The following TET1 variants were observed in gnomAD, a reference collection of about 807,000 sequenced individuals.
TET1 encodes the protein tet methylcytosine dioxygenase 1, also known as methylcytosine dioxygenase TET1.
TET1 carries 13 observed loss-of-function variants against 148.7 expected under a neutral mutation model. That is an observed-to-expected ratio of 0.09 (90% confidence interval 0.06 to 0.14). TET1 has a LOEUF of 0.14. TET1 is among the 10% of genes least tolerant of loss of function. TET1 has a pLI of 1.00. For missense variants in TET1, 2,182 were observed against 2,553.8 expected, an observed-to-expected ratio of 0.85 and a Z score of 3.14; for synonymous variants, 907 against 937.2, an observed-to-expected ratio of 0.97 and a Z score of 0.59.
At chr10:68,624,171 A>G (rs1019321899) in intron 3 of TET1, among the ~76,000 whole-genome samples, 2 of 149,986 alleles carry the variant, frequency 1.3e-5, no homozygotes, top group African/African-American at 4.9e-5. Context: ...ATCTCGGCCC[A>G]CTGAAACTTC....
chr10:68,624,660 C>CTTTTTTTCTT (rs1462948714), intron 3 of TET1, among the ~76,000 whole-genome samples: 1 of 74,458 alleles, frequency 1.3e-5, no homozygotes. Flanking sequence ...TTCTTTCTTT[C>CTTTTTTTCTT]TCTCTCTCTC....
At chr10:68,632,023 C>T (rs1295284746) in intron 3 of TET1, among the ~76,000 whole-genome samples, 2 of 151,728 alleles carry the variant, frequency 1.3e-5, no homozygotes, top group African/African-American at 4.8e-5. Flanking sequence ...TTGGCTAAAC[C>T]CTAGTAGAAA....
chr10:68,568,051 T>C (rs1332056236), intron 1 of TET1, among the ~76,000 whole-genome samples: 2 of 151,442 alleles, frequency 1.3e-5, no homozygotes, highest in Non-Finnish European at 2.9e-5. Context: ...ACTAATTTTG[T>C]ATTTTTAGTA....
At chr10:68,588,828 A>G (rs1216990750) in intron 2 of TET1, among the ~76,000 whole-genome samples, 1 of 151,876 alleles carries the variant, frequency 6.6e-6, no homozygotes, top group East Asian at 1.9e-4. Flanking sequence ...GTCTCAAAAA[A>G]AAAAAAATGT....
intron 2 of TET1, among the ~76,000 whole-genome samples, chr10:68,589,855 A>G (rs1277380646): frequency 6.6e-6 from 1 of 151,622 alleles, no homozygotes; most frequent in Non-Finnish European, 1.5e-5. Flanking sequence ...TATTTTTAGC[A>G]GAAATGGGGC....
chr10:68,611,650 C>CT (rs1244028157), intron 3 of TET1, among the ~76,000 whole-genome samples: 1 of 133,140 alleles, frequency 7.5e-6, no homozygotes, highest in Non-Finnish European at 1.6e-5. Context: ...GAGACCCTTT[C>CT]TTTCTTTTCT....
At chr10:68,652,845 A>ATTTTTTTTTTTTTTT (rs71019047) in intron 6 of TET1, among the ~76,000 whole-genome samples, 1 of 101,214 alleles carries the variant, frequency 9.9e-6, no homozygotes, top group Admixed American at 1.2e-4. Flanking sequence ...AACCCGGCTA[A>ATTTTTTTTTTTTTTT]TTTTTTTTTT....
Position 68,662,298 on chromosome 10 carries a change from C to T in TET1, c.4462-4747C>T, listed in dbSNP as rs115711489. On this transcript the variant is annotated intron_variant, in intron 6 of 11. Coordinates refer to ENST00000373644, the MANE Select transcript of TET1 (RefSeq NM_030625.3). ...TACTGAGATTACAGGCATGAGCTAC[C>T]GTACCCAGCCTGTTGTTAATAGTCA... Among the ~76,000 whole-genome samples the T allele has an allele frequency of 5.5e-3, 836 of 152,100 alleles. 9 individuals are homozygous for T. The highest frequency in any genetic ancestry group is 0.019 in the African/African-American group (797 of 41,492).
At chr10:68,639,581 G>A (rs1204985174) in intron 3 of TET1, among the ~76,000 whole-genome samples, 6 of 151,856 alleles carry the variant, frequency 4.0e-5, no homozygotes, top group African/African-American at 1.5e-4. Flanking sequence ...TGATCCTCCC[G>A]CTTCAGCCTC....
chr10:68,686,849 A>C (rs2055518741), intron 11 of TET1, 142 bp downstream of exon 11: 1 of 772,058 alleles, frequency 1.3e-6, no homozygotes, highest in Non-Finnish European at 2.0e-6. Flanking sequence ...GTCAACAAAA[A>C]AGTGACCCAT....
chr10:68,652,007 T>C, intron 5 of TET1, 71 bp downstream of exon 5: 2 of 1,377,866 alleles, frequency 1.5e-6, no homozygotes, highest in African/African-American at 2.9e-5. Flanking sequence ...AAATCATCTC[T>C]AAGAACAAAC....
At chr10:68,672,509 A>AAAC (rs2055288384) in intron 7 of TET1, among the ~76,000 whole-genome samples, 1 of 148,768 alleles carries the variant, frequency 6.7e-6, no homozygotes, top group African/African-American at 2.5e-5. Context: ...AAAAAAAAAA[A>AAAC]AACACCAAAA....
chr10:68,567,732 A>G (rs977839830), intron 1 of TET1, among the ~76,000 whole-genome samples: 2 of 151,668 alleles, frequency 1.3e-5, no homozygotes, highest in African/African-American at 4.8e-5. Context: ...AGCCTGGGCA[A>G]TAAGAGTGAA....
chr10:68,688,347 C>T (rs532299955), intron 11 of TET1, among the ~76,000 whole-genome samples: 1 of 151,996 alleles, frequency 6.6e-6, no homozygotes, highest in South Asian at 2.1e-4. Flanking sequence ...ATCCACCCGC[C>T]TCGGCCTCAC....
At chr10:68,671,461 T>G (rs2055270989) in intron 7 of TET1, among the ~76,000 whole-genome samples, 1 of 152,222 alleles carries the variant, frequency 6.6e-6, no homozygotes, top group African/African-American at 2.4e-5. Flanking sequence ...GATGGGCAAT[T>G]AGGTTGATTA....
In TET1 at chr10:68,580,782, C is replaced by CA. The variant is rs71483915; in HGVS notation, c.1914+6554dup. On this transcript the variant is annotated intron_variant, in intron 2 of 11. Transcript: ENST00000373644. ...GGGCAACAAGAGCGAAACTCCATCT[C>CA]AAAAAAAAAAAAAAAAAAAAAAAAT... Among the ~76,000 whole-genome samples, 263 of 95,260 alleles carry CA rather than the reference C, an allele frequency of 2.8e-3. 4 individuals are homozygous for CA. Among genetic ancestry groups the CA allele is most frequent in the Admixed American group, 0.01 (79 of 7,530 alleles). 62.5% of individuals were successfully genotyped at this position (95,260 alleles called of 152,430 possible). A position where few individuals can be genotyped will look rare whatever the true frequency, so the allele number is the denominator to read the frequency against.
At chr10:68,676,384 C>T (rs1453758575) in intron 8 of TET1, among the ~76,000 whole-genome samples, 1 of 144,734 alleles carries the variant, frequency 6.9e-6, no homozygotes, top group Non-Finnish European at 1.5e-5. Context: ...CCCAGGTTCA[C>T]GCCATTCTCC....
At chr10:68,635,298 A>G (rs2054634777) in intron 3 of TET1, among the ~76,000 whole-genome samples, 2 of 151,916 alleles carry the variant, frequency 1.3e-5, no homozygotes, top group Non-Finnish European at 2.9e-5. Flanking sequence ...ACATATACTA[A>G]AGTCCAGCAA....
intron 3 of TET1, among the ~76,000 whole-genome samples, chr10:68,610,872 T>G (rs2054199207): frequency 1.3e-5 from 2 of 152,060 alleles, no homozygotes; most frequent in South Asian, 4.2e-4. Flanking sequence ...CCCAGGCTGG[T>G]CTCAAACTCC....
Sources: allele counts gnomAD v4.1 joint callset (sites outside exome capture counted in the v4.1 genomes callset), GRCh38; gene constraint gnomAD v4.1.1; transcripts MANE v1.5; gene names NCBI Gene and HGNC (gene_info 2026-07-23, HGNC 2026-07-21).